The following RPLP1 variants were observed in gnomAD, a reference collection of about 807,000 sequenced individuals.
The protein encoded by RPLP1 is large ribosomal subunit protein P1.
In RPLP1, 4 loss-of-function variants were observed where a neutral mutation model predicts 11.6. The observed-to-expected ratio is 0.34, with a 90% CI of 0.17 to 0.79. The LOEUF (loss-of-function observed/expected upper bound fraction) is 0.79, where lower values mean the gene tolerates loss of function less well. Among genes scored for constraint, RPLP1 ranks in the 30% least tolerant of loss-of-function variants. The probability of loss-of-function intolerance (pLI) is 0.55; values close to 1 mark genes in which losing one functional copy is unlikely to be tolerated. For synonymous variants in RPLP1, 54 were observed against 52.2 expected (o/e 1.03, Z -0.15); for missense variants, 133 against 142.8 (o/e 0.93, Z 0.35).
chr15:69,455,387 A>G lies in RPLP1; in HGVS notation c.266-41A>G, dbSNP rs763723146. ...CCATTAATTTTTCACAAGTATATGA[A>G]GTATGGAAATCCTAACACCTGATTG... On this transcript the variant is annotated intron_variant, in intron 3 of 3. Transcript: ENST00000260379. 7 of 1,577,168 alleles carry G rather than the reference A, an allele frequency of 4.4e-6. No homozygotes were observed. In the African/African-American group the frequency reaches 9.7e-5, roughly 22 times the overall value.
Position 69,453,658 on chromosome 15 carries a change from C to G in RPLP1, c.84C>G (p.Ile28Met), listed in dbSNP as rs760867309. 7 of 1,614,026 alleles carry G rather than the reference C, an allele frequency of 4.3e-6. No individual in the cohort carries two copies. Among genetic ancestry groups the G allele is most frequent in the Non-Finnish European group, 5.9e-6 (7 of 1,179,926 alleles). The change falls in exon 2 of 4, where the codon ATC becomes ATG. Residue 28 changes from isoleucine to methionine, a missense_variant. Coordinates refer to ENST00000260379, the MANE Select transcript of RPLP1 (RefSeq NM_001003.3). ...TTTATTTGTTGTAGGAGGATAAGAT[C>G]AATGCCCTCATTAAAGCAGCCGGTG... ...DDEVTVTEDK[I>M]NALIKAAGVN...
Position 69,455,884 on chromosome 15 carries a change from C to CCTG in RPLP1, c.*377_*378insCTG. On this transcript the variant is annotated 3_prime_UTR_variant, in exon 4 of 4. Coordinates refer to ENST00000260379, the MANE Select transcript of RPLP1 (RefSeq NM_001003.3). The stretch of plus-strand genomic sequence containing the variant: ...TCCTGGGTATTTACCCTATACAACC[C>CCTG]TGCCTAAGAACGAACTTTGACGTAT... 1 of 174,378 alleles carries CCTG rather than the reference C, an allele frequency of 5.7e-6. No homozygotes were observed. The allele number at this position is 174,378 out of a possible 1,614,324, so 10.8% of individuals were successfully genotyped here. A position where few individuals can be genotyped will look rare whatever the true frequency, so the allele number is the denominator to read the frequency against.
In RPLP1 at chr15:69,455,794, G is replaced by A. The variant is rs930819056; in HGVS notation, c.*287G>A. 5.0e-6 allele frequency: 2 copies of A among 401,480 alleles called. No individual in the cohort carries two copies. Among genetic ancestry groups the A allele is most frequent in the African/African-American group, 2.0e-5 (1 of 49,614 alleles). The allele number at this position is 401,480 out of a possible 1,614,324, so 24.9% of individuals were successfully genotyped here. On this transcript the variant is annotated 3_prime_UTR_variant, in exon 4 of 4. Transcript: ENST00000260379. Reference sequence around the variant, plus strand: ...TTGTCCAGGTTACCTGTGTAAACTTGATGATTATAAGGTGTGTCCCCTACA... The same window carrying A: ...TTGTCCAGGTTACCTGTGTAAACTTAATGATTATAAGGTGTGTCCCCTACA...
intron 2 of RPLP1, chr15:69,454,046 T>C: frequency 3.2e-6 from 1 of 307,792 alleles, no homozygotes; most frequent in Non-Finnish European, 6.1e-6. Context: ...TCTTTTTCTT[T>C]TTTTTTTCTT....
chr15:69,455,833 G>A lies in RPLP1; in HGVS notation c.*326G>A. ...GTGTCCCCTACACTGGGGGTGGAGG[G>A]TAATACAGACCAGCTTTAGAAAGCC... is the stretch of plus-strand genomic sequence containing the variant. On this transcript the variant is annotated 3_prime_UTR_variant, in exon 4 of 4. Transcript: ENST00000260379. 4.0e-6 allele frequency: 1 copy of A among 247,866 alleles called. No homozygotes were observed. The highest frequency in any genetic ancestry group is 7.8e-6 in the Non-Finnish European group (1 of 127,570). 15.4% of individuals were successfully genotyped at this position (247,866 alleles called of 1,614,324 possible).
rs191930814 is a variant in RPLP1, at chr15:69,452,830, G to A, written c.-119G>A. The A allele has an allele frequency of 1.6e-3, 1,535 of 934,488 alleles. 16 individuals carry two copies. In the African/African-American group the frequency reaches 0.022, roughly 13 times the overall value. 57.9% of individuals were successfully genotyped at this position (934,488 alleles called of 1,614,324 possible). A position where few individuals can be genotyped will look rare whatever the true frequency, so the allele number is the denominator to read the frequency against. ...ATAGGCGCGAGAGCCCCTTTCCTCA[G>A]CTGCCGCCAAGGTGCTCGGTCCTTC... On this transcript the variant is annotated 5_prime_UTR_variant, in exon 1 of 4. Transcript: ENST00000260379.
At chr15:69,454,111 C>T in intron 2 of RPLP1, 2 of 203,442 alleles carry the variant, frequency 9.8e-6, no homozygotes, top group Non-Finnish European at 2.0e-5. Context: ...TCACTGCAAG[C>T]TCCGCCTCCC....
intron 2 of RPLP1, chr15:69,453,925 C>A: frequency 1.7e-6 from 1 of 579,112 alleles, no homozygotes; most frequent in Non-Finnish European, 3.1e-6. Flanking sequence ...TCTGGTTTCC[C>A]TTTTGCTCTG....
At chr15:69,454,224 G>A (rs7164925) in intron 2 of RPLP1, 143,093 of 153,418 alleles carry the variant, frequency 0.93, 67,203 homozygotes, top group Non-Finnish European at 0.99. Context: ...GTAGTGACGG[G>A]GTTTCACCAT....
intron 2 of RPLP1, chr15:69,454,817 A>T (rs1335339601): frequency 6.1e-6 from 1 of 164,742 alleles, no homozygotes; most frequent in Non-Finnish European, 1.3e-5. Context: ...AAAGCTGAAC[A>T]GTAGTGCGTT....
chr15:69,455,180 A>T lies in RPLP1; in HGVS notation c.158A>T (p.Asn53Ile). 6.3e-7 allele frequency: 1 copy of T among 1,592,094 alleles called. No individual in the cohort carries two copies. ...WPGLFAKALA[N>I]VNIGSLICNV... Reference sequence around the variant, plus strand: ...GCACATGTATTGCAGGCCCTGGCCAACGTCAACATTGGGAGCCTCATCTGC... The same window carrying T: ...GCACATGTATTGCAGGCCCTGGCCATCGTCAACATTGGGAGCCTCATCTGC... Residue 53 changes from asparagine to isoleucine, a missense_variant, in exon 3 of 4, where the codon AAC (asparagine) becomes ATC (isoleucine). Transcript: ENST00000260379.
Position 69,455,568 on chromosome 15 carries a change from G to A in RPLP1, c.*61G>A. ...TTTACTGCTGTTGGTCTTGTCCATA[G>A]TTTTGGAATGTGCTCTGCAAAAATG... On this transcript the variant is annotated 3_prime_UTR_variant, in exon 4 of 4. Transcript: ENST00000260379. 2 of 1,256,164 alleles carry A rather than the reference G, an allele frequency of 1.6e-6. No individual in the cohort carries two copies. The highest frequency in any genetic ancestry group is 2.2e-6 in the Non-Finnish European group (2 of 893,662). 77.8% of individuals were successfully genotyped at this position (1,256,164 alleles called of 1,614,324 possible).
chr15:69,453,821 T>A (rs1892390773), intron 2 of RPLP1, 100 bp downstream of exon 2: 2 of 1,170,152 alleles, frequency 1.7e-6, no homozygotes, highest in Non-Finnish European at 2.6e-6. Context: ...ACGCCCCACA[T>A]GCCGCTGGAT....
At chr15:69,453,341 T>TA (rs903153103) in intron 1 of RPLP1, 60 of 575,598 alleles carry the variant, frequency 1.0e-4, no homozygotes, top group African/African-American at 1.0e-3. Context: ...CAGGGACACT[T>TA]ACTCGGACCT....
intron 2 of RPLP1, chr15:69,453,999 A>G (rs149507968): frequency 1.9e-5 from 10 of 522,636 alleles, no homozygotes; most frequent in Non-Finnish European, 3.1e-5. Flanking sequence ...CTCGGGAGAT[A>G]GGTACTACGC....
intron 1 of RPLP1, 87 bp from the exon 2 acceptor site, chr15:69,453,560 T>C (rs1892386189): frequency 6.5e-6 from 9 of 1,380,924 alleles, no homozygotes; most frequent in Non-Finnish European, 9.3e-6. Flanking sequence ...GTTAAACATG[T>C]TATGTACACT....
chr15:69,452,987 C>T lies in RPLP1; in HGVS notation c.39C>T (p.Ala13=), dbSNP rs1331680535. Reference sequence around the variant, plus strand: ...CCGAGCTCGCCTGCATCTACTCGGCCCTCATTCTGCACGACGATGAGGTGA... The same window carrying T: ...CCGAGCTCGCCTGCATCTACTCGGCTCTCATTCTGCACGACGATGAGGTGA... The part of the protein sequence containing the change: ...SVSELACIYS[A]LILHDDEVTV... Residue 13 remains alanine (A), a synonymous_variant, in exon 1 of 4, where the codon GCC becomes GCT. Coordinates refer to ENST00000260379, the MANE Select transcript of RPLP1 (RefSeq NM_001003.3). The T allele has an allele frequency of 6.3e-7, 1 of 1,577,726 alleles. No individual in the cohort carries two copies. The highest frequency in any genetic ancestry group is 8.6e-7 in the Non-Finnish European group (1 of 1,163,926).
Position 69,455,565 on chromosome 15 carries a change from A to C in RPLP1, c.*58A>C. The stretch of plus-strand genomic sequence containing the variant: ...AACTTTACTGCTGTTGGTCTTGTCC[A>C]TAGTTTTGGAATGTGCTCTGCAAAA... On this transcript the variant is annotated 3_prime_UTR_variant, in exon 4 of 4. Transcript: ENST00000260379. 5 of 1,329,128 alleles carry C rather than the reference A, an allele frequency of 3.8e-6. No individual in the cohort carries two copies. The South Asian group carries it at 5.1e-5, about 13-fold the overall frequency. 82.3% of individuals were successfully genotyped at this position (1,329,128 alleles called of 1,614,324 possible). A position where few individuals can be genotyped will look rare whatever the true frequency, so the allele number is the denominator to read the frequency against.
rs767757068 is a variant in RPLP1 at position 69,453,632 on chromosome 15, T to C, written c.73-15T>C. On this transcript the variant is annotated splice_polypyrimidine_tract_variant and intron_variant, in intron 1 of 3. Transcript: ENST00000260379. ...ACGCTACGTTTTGATGGATTGACGT[T>C]TTTATTTGTTGTAGGAGGATAAGAT... 6.2e-7 allele frequency: 1 copy of C among 1,613,852 alleles called. No homozygotes were observed. The highest frequency in any genetic ancestry group is 8.5e-7 in the Non-Finnish European group (1 of 1,179,768).
Sources: allele counts gnomAD v4.1 joint callset, GRCh38; gene constraint gnomAD v4.1.1; transcripts MANE v1.5; gene names NCBI Gene and HGNC (gene_info 2026-07-23, HGNC 2026-07-21).